Variants in PRKG1 observed in about 807,000 individuals in gnomAD.
PRKG1 encodes the protein cGMP-dependent protein kinase 1.
Under a neutral mutation model 88.1 loss-of-function variants are expected in PRKG1, and 35 were observed. The observed-to-expected ratio is 0.40, with a 90% CI of 0.30 to 0.53. PRKG1 has a LOEUF of 0.53. PRKG1 is among the 20% of genes least tolerant of loss of function. The pLI is 0.59. For missense variants in PRKG1, 540 were observed against 839.8 expected, an observed-to-expected ratio of 0.64 and a Z score of 4.41; for synonymous variants, 303 against 292.5, an observed-to-expected ratio of 1.04 and a Z score of -0.37.
chr10:52,252,235 A>G (rs1841189741), intron 10 of PRKG1: 1 of 152,124 alleles, frequency 6.6e-6, no homozygotes, highest in Non-Finnish European at 1.5e-5. Context: ...ACATACATCT[A>G]TATATTCATG....
At chr10:52,135,778 G>T (rs891320668) in intron 8 of PRKG1, among the ~76,000 whole-genome samples, 48 of 152,028 alleles carry the variant, frequency 3.2e-4, no homozygotes, top group African/African-American at 1.0e-3. Flanking sequence ...AGGAAATGTG[G>T]GACAGAAACT....
rs1348411934 is a variant in PRKG1 at position 52,257,459 on chromosome 10, A to G, written c.1173+5793A>G. ...CAAAGGGAAACCCCATGTAAGATGA[A>G]AACATTTCAAGAGCTTCCTACTGCC... On this transcript the variant is annotated intron_variant, in intron 10 of 17. Transcript: ENST00000373980. 1.4e-5 allele frequency among the ~76,000 whole-genome samples: 2 copies of G among 140,348 alleles called. 1 individual carries two copies. The highest frequency in any genetic ancestry group is 3.2e-5 in the Non-Finnish European group (2 of 61,966). 92.1% of individuals were successfully genotyped at this position (140,348 alleles called of 152,430 possible).
chr10:51,904,019 C>T (rs1003259833), intron 4 of PRKG1, among the ~76,000 whole-genome samples: 8 of 152,106 alleles, frequency 5.3e-5, no homozygotes, highest in African/African-American at 1.4e-4. Context: ...ACTCAAATCT[C>T]ATCTTCTATT....
intron 1 of PRKG1, among the ~76,000 whole-genome samples, chr10:51,023,566 C>CT (rs940426895): frequency 1.3e-5 from 2 of 152,152 alleles, no homozygotes; most frequent in African/African-American, 4.8e-5. Flanking sequence ...TGATTTTTCT[C>CT]TTTTTACCAG....
intron 1 of PRKG1, among the ~76,000 whole-genome samples, chr10:51,076,006 C>T (rs796069012): frequency 1.3e-4 from 20 of 152,292 alleles, no homozygotes; most frequent in African/African-American, 3.1e-4. Flanking sequence ...GCACGTGTTA[C>T]GTAATAATGC....
rs968621144 is a variant in PRKG1, at chr10:51,537,858, G to A, written c.592+70022G>A. On this transcript the variant is annotated intron_variant, in intron 3 of 17. Transcript: ENST00000373980. The stretch of plus-strand genomic sequence containing the variant: ...GGACAGGTAATATTTAAATCTCTTC[G>A]GGTAACAAACAAGAACAGTACACTT... 9.2e-5 allele frequency among the ~76,000 whole-genome samples: 14 copies of A among 151,872 alleles called. No homozygotes were observed. In the South Asian group the frequency reaches 2.9e-3, roughly 32 times the overall value.
At chr10:52,285,392 A>G (rs559342538) in intron 14 of PRKG1, among the ~76,000 whole-genome samples, 1 of 152,208 alleles carries the variant, frequency 6.6e-6, no homozygotes, top group African/African-American at 2.4e-5. Flanking sequence ...CTGAATGAAT[A>G]TAAGTCCTTA....
chr10:51,195,731 T>C (rs1426806184), intron 2 of PRKG1, among the ~76,000 whole-genome samples: 3 of 152,144 alleles, frequency 2.0e-5, no homozygotes, highest in Non-Finnish European at 4.4e-5. Flanking sequence ...TTATTTTATG[T>C]CTCTTAGAAA....
intron 3 of PRKG1, among the ~76,000 whole-genome samples, chr10:51,595,163 A>G (rs1838412445): frequency 1.3e-5 from 2 of 152,174 alleles, no homozygotes; most frequent in Admixed American, 1.3e-4. Context: ...TCTAGGCAAC[A>G]TAGTGAGATC....
chr10:52,184,332 G>T (rs1302541523), intron 9 of PRKG1, among the ~76,000 whole-genome samples: 1 of 152,072 alleles, frequency 6.6e-6, no homozygotes, highest in Non-Finnish European at 1.5e-5. Flanking sequence ...TTCTGCTGTT[G>T]TGATTACTGC....
intron 2 of PRKG1, among the ~76,000 whole-genome samples, chr10:51,360,530 T>C (rs1842456943): frequency 6.6e-6 from 1 of 151,916 alleles, no homozygotes; most frequent in South Asian, 2.1e-4. Context: ...TTCAGTTTAC[T>C]TACTTGGCAA....
At chr10:51,050,317 C>A (rs1223075549) in intron 1 of PRKG1, among the ~76,000 whole-genome samples, 1 of 151,944 alleles carries the variant, frequency 6.6e-6, no homozygotes, top group Non-Finnish European at 1.5e-5. Context: ...TAATACCTTC[C>A]TGTTTTCCCC....
intron 7 of PRKG1, among the ~76,000 whole-genome samples, chr10:52,124,003 A>G (rs1847878153): frequency 6.6e-6 from 1 of 152,040 alleles, no homozygotes; most frequent in Admixed American, 6.6e-5. Flanking sequence ...GCTATTGTAT[A>G]TGTTCTATAT....
intron 8 of PRKG1, among the ~76,000 whole-genome samples, chr10:52,144,640 G>C (rs1837680398): frequency 6.6e-6 from 1 of 152,036 alleles, no homozygotes; most frequent in Admixed American, 6.6e-5. Flanking sequence ...GTGAAACCCT[G>C]TCTCAACCAA....
chr10:51,845,415 T>C lies in PRKG1; in HGVS notation c.698+40725T>C, dbSNP rs1436762494. Among the ~76,000 whole-genome samples the C allele has an allele frequency of 2.0e-5, 3 of 152,168 alleles. No individual in the cohort carries two copies. In the South Asian group the frequency reaches 6.2e-4, roughly 31 times the overall value. On this transcript the variant is annotated intron_variant, in intron 4 of 17. Transcript: ENST00000373980. ...GCTTCAAAGTGTTGACATTCTTCAT[T>C]AAAAGCAACACCACCAACAACTGTC...
intron 2 of PRKG1, among the ~76,000 whole-genome samples, chr10:51,284,184 T>C (rs1031550141): frequency 5.9e-5 from 9 of 152,130 alleles, no homozygotes; most frequent in Non-Finnish European, 1.2e-4. Flanking sequence ...TAAAATCCGG[T>C]GAAAAGTATA....
intron 3 of PRKG1, among the ~76,000 whole-genome samples, chr10:51,556,575 A>G (rs1461796002): frequency 6.6e-6 from 1 of 152,058 alleles, no homozygotes. Context: ...TTGCAGCAAT[A>G]TGGATGCAGC....
chr10:51,870,172 CAGGG>C (rs1236607032), intron 4 of PRKG1, among the ~76,000 whole-genome samples: 3 of 152,098 alleles, frequency 2.0e-5, no homozygotes, highest in Non-Finnish European at 4.4e-5. Context: ...TTACTCCTTA[CAGGG>C]GCTTTTGTAA....
intron 3 of PRKG1, among the ~76,000 whole-genome samples, chr10:51,501,944 G>A (rs1841040041): frequency 1.3e-5 from 2 of 151,796 alleles, no homozygotes; most frequent in Non-Finnish European, 2.9e-5. Flanking sequence ...TGTAGGTCCA[G>A]GAATTCTTTG....
Sources: allele counts gnomAD v4.1 joint callset (sites outside exome capture counted in the v4.1 genomes callset), GRCh38; gene constraint gnomAD v4.1.1; transcripts MANE v1.5; gene names NCBI Gene and HGNC (gene_info 2026-07-23, HGNC 2026-07-21).